POLR1C: variants seen among roughly 807,000 people sequenced by gnomAD.
The protein encoded by POLR1C is DNA-directed RNA polymerases I and III subunit RPAC1.
Under a neutral mutation model 38.3 loss-of-function variants are expected in POLR1C, and 42 were observed. The observed-to-expected ratio is 1.10, with a 90% confidence interval of 0.86 to 1.42. POLR1C has a LOEUF of 1.42. POLR1C is among the 40% of genes most tolerant of loss of function. The pLI, the probability that POLR1C is intolerant of heterozygous loss-of-function variation, is 0.00. For missense variants in POLR1C, 507 were observed against 450.5 expected, an observed-to-expected ratio of 1.13 and a Z score of -1.14; for synonymous variants, 163 against 163.9, an observed-to-expected ratio of 0.99 and a Z score of 0.04.
intron 10 of POLR1C, chr6:43,553,528 C>G: frequency 1.4e-6 from 1 of 695,742 alleles, no homozygotes; most frequent in Non-Finnish European, 2.0e-6. Context: ...CACACACATA[C>G]ACACACACAC....
exon 11 of POLR1C, chr6:43,562,307 G>T: frequency 6.2e-7 from 1 of 1,609,864 alleles, no homozygotes; most frequent in Non-Finnish European, 8.5e-7. Flanking sequence ...TCTTCAGAAA[G>T]ACGTAGTGTT....
intron 9 of POLR1C, among the ~76,000 whole-genome samples, chr6:43,536,054 G>T (rs1794301656): frequency 6.6e-6 from 1 of 151,012 alleles, no homozygotes; most frequent in African/African-American, 2.4e-5. Context: ...ATCCAGGTGA[G>T]CCAAGATCGT....
rs1434078019 is a variant in POLR1C, at chr6:43,527,663, A to G, written c.923-1586A>G. On this transcript the variant is annotated intron_variant, in intron 8 of 8. Transcript: ENST00000304004. ...TAGGTCCATGACTTCTCGGGTTAAC[A>G]TCCTCACCAGTTGCTCCTCCAGCAT... The G allele has an allele frequency of 6.2e-7, 1 of 1,613,818 alleles. No individual in the cohort carries two copies. The highest frequency in any genetic ancestry group is 1.3e-5 in the African/African-American group (1 of 74,888).
exon 11 of POLR1C, chr6:43,562,002 C>A (rs1234030154): frequency 5.9e-6 from 2 of 341,026 alleles, no homozygotes; most frequent in Non-Finnish European, 1.1e-5. Context: ...CCAACGTTGA[C>A]TTTATGGAAT....
chr6:43,521,169 C>G lies in POLR1C; in HGVS notation c.923-13C>G. ...AAGCCCTGCCTAGACTAAAGTGTCT[C>G]TTTGGTCCCCAGTCTCTGTTGAGTC... On this transcript the variant is annotated splice_polypyrimidine_tract_variant and intron_variant, in intron 8 of 8. Transcript: ENST00000642195. 6.2e-7 allele frequency: 1 copy of G among 1,614,004 alleles called. No individual in the cohort carries two copies. Among genetic ancestry groups the G allele is most frequent in the South Asian group, 1.1e-5 (1 of 91,072 alleles).
chr6:43,525,214 C>A, downstream of POLR1C: 1 of 1,571,266 alleles, frequency 6.4e-7, no homozygotes, highest in Non-Finnish European at 8.6e-7. Context: ...GTACAAACAT[C>A]CTGAACAGGA....
chr6:43,558,586 G>C (rs770856821), intron 10 of POLR1C: 2 of 1,584,432 alleles, frequency 1.3e-6, no homozygotes, highest in Non-Finnish European at 1.7e-6. Flanking sequence ...TAGAAGGAAA[G>C]CCCATCTGGA....
At chr6:43,530,970 C>A (rs1283431741), downstream of POLR1C, 1 of 1,070,648 alleles carries the variant, frequency 9.3e-7, no homozygotes. Flanking sequence ...CTTATAGATA[C>A]AGCATCTTTT....
At chr6:43,558,626 A>C (rs552052842) in intron 10 of POLR1C, 1 of 1,492,514 alleles carries the variant, frequency 6.7e-7, no homozygotes, top group East Asian at 2.4e-5. Flanking sequence ...TAGGGGATGA[A>C]AGTGGACCCA....
intron 9 of POLR1C, among the ~76,000 whole-genome samples, chr6:43,546,036 A>C (rs1794948804): frequency 6.6e-6 from 1 of 152,194 alleles, no homozygotes; most frequent in Admixed American, 6.5e-5. Flanking sequence ...TGCTAATGCT[A>C]CTGGTCTTAG....
chr6:43,555,375 AT>A (rs199543029), intron 10 of POLR1C: 3,176 of 154,328 alleles, frequency 0.021, 44 homozygotes, highest in Non-Finnish European at 0.034. Context: ...GTAAAGTATA[AT>A]TTCACAAAAG....
intron 9 of POLR1C, among the ~76,000 whole-genome samples, chr6:43,543,034 A>G (rs1370212107): frequency 1.3e-5 from 2 of 152,228 alleles, no homozygotes; most frequent in African/African-American, 2.4e-5. Flanking sequence ...GAGAACAAAA[A>G]AAACACAAGT....
intron 10 of POLR1C, among the ~76,000 whole-genome samples, chr6:43,560,576 TAGA>T (rs1762366606): frequency 6.6e-6 from 1 of 152,250 alleles, no homozygotes; most frequent in African/African-American, 2.4e-5. Context: ...AGAGTGATAT[TAGA>T]AGGACAATTT....
Position 43,520,047 on chromosome 6 carries a change from GCTCC to G in POLR1C, c.383-14_383-11del. 1.9e-6 allele frequency: 3 copies of G among 1,613,890 alleles called. No individual in the cohort carries two copies. Among genetic ancestry groups the G allele is most frequent in the South Asian group, 2.2e-5 (2 of 91,048 alleles). ...CTCAGACGTTTACTAGTTCTTAGGAGCTCCCTCCATTTGTGCAGGAGATGAAGAA... is the reference window on the plus strand; with the variant it reads ...CTCAGACGTTTACTAGTTCTTAGGAGCTCCATTTGTGCAGGAGATGAAGAA... On this transcript the variant is annotated splice_polypyrimidine_tract_variant and intron_variant, in intron 4 of 8. Transcript: ENST00000642195.
At chr6:43,538,392 C>T (rs949600762) in intron 9 of POLR1C, among the ~76,000 whole-genome samples, 2 of 151,904 alleles carry the variant, frequency 1.3e-5, no homozygotes, top group Non-Finnish European at 2.9e-5. Context: ...CTCAAGGATC[C>T]GCCTGCCTCG....
chr6:43,544,496 CCT>C (rs753517347), intron 9 of POLR1C, among the ~76,000 whole-genome samples: 3 of 152,080 alleles, frequency 2.0e-5, no homozygotes, highest in Non-Finnish European at 2.9e-5. Flanking sequence ...AGAAATGAAC[CCT>C]GTTTCCACGT....
downstream of POLR1C, chr6:43,525,930 AG>A (rs1393079566): frequency 9.9e-6 from 16 of 1,613,658 alleles, no homozygotes; most frequent in Non-Finnish European, 1.4e-5. Flanking sequence ...ATCTGTTATC[AG>A]AGAGTAGAAT....
chr6:43,544,934 G>A lies in POLR1C; in HGVS notation c.*5-6034G>A, dbSNP rs1055270485. 7.9e-5 allele frequency among the ~76,000 whole-genome samples: 12 copies of A among 152,082 alleles called. No homozygotes were observed. In the South Asian group the frequency reaches 1.7e-3, roughly 21 times the overall value. On this transcript the variant is annotated intron_variant, in intron 9 of 10. Coordinates refer to the POLR1C transcript ENST00000607635. ...GTCGCCCAGGCTGGAGTGCAGTGGC[G>A]TGATCTTAGCTCACTGCAATCTCCG...
At position 43,521,253 on chromosome 6, in the gene POLR1C, A is replaced by G; in HGVS notation, c.994A>G (p.Lys332Glu). Reference sequence around the variant, plus strand: ...TGAAGCCATCAAAGTACTGATGGGGAAGTGCCGGCGCTTCTTGGATGAACT... The same window carrying G: ...TGAAGCCATCAAAGTACTGATGGGGGAGTGCCGGCGCTTCTTGGATGAACT... ...VSEAIKVLMG[K>E]CRRFLDELDA... Residue 332 changes from lysine (K) to glutamate (E), a missense_variant, in exon 9 of 9, where the codon AAG becomes GAG. Lys to Glu is a moderately conservative substitution (Grantham distance 56). Transcript: ENST00000642195. 2 of 1,613,194 alleles carry G rather than the reference A, an allele frequency of 1.2e-6. No individual in the cohort carries two copies. Among genetic ancestry groups the G allele is most frequent in the Non-Finnish European group, 1.7e-6 (2 of 1,180,010 alleles).
Sources: allele counts gnomAD v4.1 joint callset (sites outside exome capture counted in the v4.1 genomes callset), GRCh38; gene constraint gnomAD v4.1.1; transcripts MANE v1.5; gene names NCBI Gene and HGNC (gene_info 2026-07-23, HGNC 2026-07-21).